RARB: variants seen among roughly 807,000 people sequenced by gnomAD.
RARB encodes the protein retinoic acid receptor beta.
A neutral mutation model predicts 51.9 loss-of-function variants in RARB; 17 were observed. The observed-to-expected ratio is 0.33, with a 90% CI of 0.22 to 0.49. The LOEUF (loss-of-function observed/expected upper bound fraction) is 0.49, where lower values mean the gene tolerates loss of function less well. RARB is among the 20% of genes least tolerant of loss of function. RARB has a pLI of 0.99. For synonymous variants in RARB, 215 were observed against 195.4 expected (o/e 1.10, Z -0.84); for missense variants, 369 against 550.8 (o/e 0.67, Z 3.30).
At chr3:25,566,160 C>T in intron 3 of RARB, among the ~76,000 whole-genome samples, 1 of 152,208 alleles carries the variant, frequency 6.6e-6, no homozygotes, top group East Asian at 1.9e-4. Flanking sequence ...CTTGGCAGCC[C>T]TTCTCAAACA....
chr3:25,029,830 G>A (rs1295480644), intron 2 of RARB, among the ~76,000 whole-genome samples: 1 of 152,142 alleles, frequency 6.6e-6, no homozygotes, highest in African/African-American at 2.4e-5. Flanking sequence ...AATTAACATG[G>A]GACAGAGTAG....
At chr3:25,340,165 T>G (rs1180989079) in intron 5 of RARB, among the ~76,000 whole-genome samples, 2 of 152,138 alleles carry the variant, frequency 1.3e-5, no homozygotes, top group African/African-American at 4.8e-5. Context: ...ATGAGGAGTT[T>G]GGTGCTCATC....
Position 25,354,072 on chromosome 3 carries a change from G to C in RARB, c.179-107121G>C, listed in dbSNP as rs888322796. Among the ~76,000 whole-genome samples, 5 of 111,762 alleles carry C rather than the reference G, an allele frequency of 4.5e-5. 1 individual carries two copies. Among genetic ancestry groups the C allele is most frequent in the Middle Eastern group, 0.017 (2 of 116 alleles). 73.3% of individuals were successfully genotyped at this position (111,762 alleles called of 152,430 possible). ...CCACCAAAAATAGTTAAGGATACTT[G>C]ATTGAAAGATTCTGGTCCACTTAGA... is the stretch of plus-strand genomic sequence containing the variant. On this transcript the variant is annotated intron_variant, in intron 5 of 11. Transcript: ENST00000383772.
At chr3:25,015,042 G>A (rs889156152) in intron 2 of RARB, among the ~76,000 whole-genome samples, 11 of 152,136 alleles carry the variant, frequency 7.2e-5, no homozygotes, top group South Asian at 2.1e-4. Context: ...TGAAGTGCTC[G>A]TAATCAGGAC....
At chr3:25,262,303 G>A (rs1575267440) in intron 5 of RARB, among the ~76,000 whole-genome samples, 1 of 152,036 alleles carries the variant, frequency 6.6e-6, no homozygotes, top group Non-Finnish European at 1.5e-5. Flanking sequence ...CAGAAGATGC[G>A]CTCCTCCCCA....
At chr3:24,840,524 C>T (rs1244172238) in intron 1 of RARB, among the ~76,000 whole-genome samples, 2 of 152,148 alleles carry the variant, frequency 1.3e-5, no homozygotes, top group Non-Finnish European at 2.9e-5. Flanking sequence ...GCTTTCACAA[C>T]ATTCCAGCTA....
intron 5 of RARB, among the ~76,000 whole-genome samples, chr3:25,203,938 G>T (rs940390599): frequency 2.0e-5 from 3 of 151,988 alleles, no homozygotes; most frequent in Non-Finnish European, 2.9e-5. Flanking sequence ...AGTATCTTTG[G>T]GGAGTTCTGT....
chr3:24,953,027 C>G (rs1695931993), intron 2 of RARB, among the ~76,000 whole-genome samples: 2 of 151,986 alleles, frequency 1.3e-5, no homozygotes, highest in Non-Finnish European at 2.9e-5. Context: ...CCAAAAAACC[C>G]TTTGCTTGTT....
intron 2 of RARB, among the ~76,000 whole-genome samples, chr3:25,024,010 T>G (rs1403433704): frequency 1.3e-5 from 2 of 152,162 alleles, no homozygotes; most frequent in Non-Finnish European, 2.9e-5. Context: ...TCTACATCTG[T>G]GAAATGAAGA....
intron 5 of RARB, among the ~76,000 whole-genome samples, chr3:25,378,678 C>T (rs1047501942): frequency 1.5e-4 from 23 of 151,980 alleles, no homozygotes; most frequent in South Asian, 1.0e-3. Flanking sequence ...CCAATTTATC[C>T]GTCTCCAAAT....
At chr3:24,985,812 G>A (rs560225358) in intron 2 of RARB, among the ~76,000 whole-genome samples, 1 of 152,344 alleles carries the variant, frequency 6.6e-6, no homozygotes, top group Non-Finnish European at 1.5e-5. Context: ...TCACTGCGCT[G>A]AGGCCTGTGC....
intron 2 of RARB, 135 bp downstream of exon 2, chr3:25,461,476 G>T (rs1371733990): frequency 1.9e-6 from 2 of 1,071,588 alleles, no homozygotes; most frequent in East Asian, 2.6e-5. Flanking sequence ...GTTATATTCA[G>T]TGGTTTTTAT....
chr3:25,594,704 T>A (rs765653567), intron 7 of RARB, 26 bp downstream of exon 7: 4 of 1,549,700 alleles, frequency 2.6e-6, no homozygotes, highest in Non-Finnish European at 3.5e-6. Context: ...CTCAGTACTG[T>A]AGTCACACAG....
At chr3:25,480,054 G>A (rs1202084173) in intron 2 of RARB, among the ~76,000 whole-genome samples, 2 of 152,206 alleles carry the variant, frequency 1.3e-5, no homozygotes, top group African/African-American at 2.4e-5. Flanking sequence ...ATATTGTAGA[G>A]GTGTGTGGAT....
At chr3:25,410,475 T>C (rs1707532403) in intron 5 of RARB, among the ~76,000 whole-genome samples, 1 of 152,254 alleles carries the variant, frequency 6.6e-6, no homozygotes, top group African/African-American at 2.4e-5. Context: ...TTCATTCTTG[T>C]ATTTATTCAC....
chr3:24,972,712 T>A (rs1381125230), intron 2 of RARB, among the ~76,000 whole-genome samples: 1 of 152,202 alleles, frequency 6.6e-6, no homozygotes, highest in East Asian at 1.9e-4. Flanking sequence ...TATCTCATTG[T>A]GGTTTTGACT....
At chr3:24,967,159 T>C (rs1238069242) in intron 2 of RARB, among the ~76,000 whole-genome samples, 1 of 152,088 alleles carries the variant, frequency 6.6e-6, no homozygotes, top group African/African-American at 2.4e-5. Context: ...TGGGCTTCCA[T>C]AGTAATGGCC....
chr3:25,192,690 A>G (rs1444561676), intron 5 of RARB, among the ~76,000 whole-genome samples: 2 of 152,036 alleles, frequency 1.3e-5, no homozygotes, highest in South Asian at 2.1e-4. Context: ...ATGTTTTGGC[A>G]TCTGTACTGC....
At chr3:25,395,657 C>G (rs1263837842) in intron 5 of RARB, among the ~76,000 whole-genome samples, 2 of 152,120 alleles carry the variant, frequency 1.3e-5, no homozygotes, top group Non-Finnish European at 2.9e-5. Context: ...TCATCAAGCT[C>G]TGAAGTTCTT....
Sources: allele counts gnomAD v4.1 joint callset (sites outside exome capture counted in the v4.1 genomes callset), GRCh38; gene constraint gnomAD v4.1.1; transcripts MANE v1.5; gene names NCBI Gene and HGNC (gene_info 2026-07-23, HGNC 2026-07-21).